SGCZ: variants seen among roughly 807,000 people sequenced by gnomAD.
The protein encoded by SGCZ is zeta-sarcoglycan.
In SGCZ, 40 loss-of-function variants were observed where a neutral mutation model predicts 41.3. That is an observed-to-expected ratio of 0.97 (90% CI 0.75 to 1.26). SGCZ has a LOEUF of 1.26. Among genes scored for constraint, SGCZ ranks in the 50% most tolerant of loss-of-function variants. The pLI, the probability that SGCZ is intolerant of heterozygous loss-of-function variation, is 0.00. For synonymous variants in SGCZ, 206 were observed against 137.5 expected, an observed-to-expected ratio of 1.50 and a Z score of -3.49; for missense variants, 552 against 369.8, an observed-to-expected ratio of 1.49 and a Z score of -4.04.
At chr8:14,691,554 G>T (rs1341738899) in intron 1 of SGCZ, among the ~76,000 whole-genome samples, 1 of 151,916 alleles carries the variant, frequency 6.6e-6, no homozygotes, top group Non-Finnish European at 1.5e-5. Context: ...GCAATCATAG[G>T]CACATAGGCC....
chr8:14,624,665 G>T (rs1373253070), intron 1 of SGCZ, among the ~76,000 whole-genome samples: 1 of 147,386 alleles, frequency 6.8e-6, no homozygotes. Context: ...CCGCCTCCCG[G>T]GGTCAAGTAA....
chr8:14,153,612 G>GTCTTCATT (rs1803780836), intron 5 of SGCZ, among the ~76,000 whole-genome samples: 1 of 152,056 alleles, frequency 6.6e-6, no homozygotes, highest in Non-Finnish European at 1.5e-5. Context: ...TTCAGCCACA[G>GTCTTCATT]GCAGGTACTA....
At chr8:15,170,125 TA>T (rs1799784159) in intron 1 of SGCZ, among the ~76,000 whole-genome samples, 1 of 137,756 alleles carries the variant, frequency 7.3e-6, no homozygotes. Flanking sequence ...GATCAGTAAT[TA>T]AATTTTTTTC....
intron 1 of SGCZ, among the ~76,000 whole-genome samples, chr8:15,192,825 C>G (rs1380974961): frequency 6.6e-6 from 1 of 152,066 alleles, no homozygotes; most frequent in African/African-American, 2.4e-5. Context: ...TGTGGTTTCT[C>G]ACTCCAAGAA....
intron 1 of SGCZ, among the ~76,000 whole-genome samples, chr8:15,009,042 T>TAAATGA (rs924434197): frequency 2.0e-5 from 3 of 152,174 alleles, no homozygotes; most frequent in African/African-American, 7.2e-5. Flanking sequence ...GTCCCTCCTG[T>TAAATGA]AAATGAAATT....
At chr8:14,435,431 TACAC>T (rs1800061398) in intron 2 of SGCZ, among the ~76,000 whole-genome samples, 1 of 152,180 alleles carries the variant, frequency 6.6e-6, no homozygotes, top group Non-Finnish European at 1.5e-5. Context: ...TTTAATTGTT[TACAC>T]ACATGGCTCC....
At chr8:14,538,745 G>T (rs1803371078) in intron 2 of SGCZ, among the ~76,000 whole-genome samples, 1 of 151,902 alleles carries the variant, frequency 6.6e-6, no homozygotes, top group African/African-American at 2.4e-5. Flanking sequence ...AGTTAGGCAT[G>T]AATTAGGTTG....
intron 1 of SGCZ, among the ~76,000 whole-genome samples, chr8:14,705,031 C>T (rs143488092): frequency 6.6e-6 from 1 of 151,912 alleles, no homozygotes; most frequent in Non-Finnish European, 1.5e-5. Context: ...AGCCACCAAA[C>T]CACAGATTTT....
chr8:14,457,114 GAT>G (rs1800768415), intron 2 of SGCZ, among the ~76,000 whole-genome samples: 1 of 152,156 alleles, frequency 6.6e-6, no homozygotes, highest in Non-Finnish European at 1.5e-5. Flanking sequence ...ATACCTCTCA[GAT>G]ATGATTATAT....
chr8:14,351,294 TTA>T (rs1803081341), intron 2 of SGCZ, among the ~76,000 whole-genome samples: 1 of 152,130 alleles, frequency 6.6e-6, no homozygotes, highest in African/African-American at 2.4e-5. Flanking sequence ...ATGTAAATTA[TTA>T]TTTTACTCCT....
chr8:14,343,793 A>G (rs1414157083), intron 2 of SGCZ, among the ~76,000 whole-genome samples: 1 of 152,174 alleles, frequency 6.6e-6, no homozygotes, highest in Non-Finnish European at 1.5e-5. Flanking sequence ...CTAAGCAAAG[A>G]TAACATTATA....
intron 2 of SGCZ, among the ~76,000 whole-genome samples, chr8:14,472,048 G>T (rs1238245602): frequency 6.6e-6 from 1 of 151,968 alleles, no homozygotes; most frequent in Non-Finnish European, 1.5e-5. Flanking sequence ...CTGTAAGACT[G>T]TTCCTACCAA....
intron 1 of SGCZ, among the ~76,000 whole-genome samples, chr8:14,780,703 T>C (rs538153703): frequency 2.6e-5 from 4 of 152,200 alleles, no homozygotes; most frequent in Non-Finnish European, 4.4e-5. Context: ...AATTTGAATA[T>C]AGAACAACAG....
intron 2 of SGCZ, among the ~76,000 whole-genome samples, chr8:14,507,802 G>T (rs1309494715): frequency 3.5e-5 from 5 of 141,316 alleles, no homozygotes; most frequent in African/African-American, 8.1e-5. Flanking sequence ...ATGGAGTTTC[G>T]TTCTTGTTAC....
In SGCZ at chr8:14,108,224, C is replaced by T. The variant is rs745428038; in HGVS notation, c.559G>A (p.Ala187Thr). ...GTCTCCACAGAGTGCCCAAATACGGCTCCTTCAGTGCCTGGGGGTAGCATG... is the reference window on the plus strand; with the variant it reads ...GTCTCCACAGAGTGCCCAAATACGGTTCCTTCAGTGCCTGGGGGTAGCATG... ...EKLKVTGTEG[A>T]VFGHSVETPH... Residue 187 changes from alanine (A) to threonine (T), a missense_variant, in exon 6 of 8, where the codon GCC becomes ACC. Transcript: ENST00000382080. 1.7e-4 allele frequency: 279 copies of T among 1,613,978 alleles called. No homozygotes were observed. The highest frequency in any genetic ancestry group is 2.2e-4 in the Non-Finnish European group (257 of 1,180,016).
At chr8:14,356,167 G>A (rs1038790302) in intron 2 of SGCZ, among the ~76,000 whole-genome samples, 12 of 152,270 alleles carry the variant, frequency 7.9e-5, no homozygotes, top group Non-Finnish European at 1.6e-4. Flanking sequence ...AAACATAAGT[G>A]TTCTGACATG....
At chr8:14,683,004 G>C (rs1320101970) in intron 1 of SGCZ, among the ~76,000 whole-genome samples, 1 of 152,016 alleles carries the variant, frequency 6.6e-6, no homozygotes, top group Non-Finnish European at 1.5e-5. Flanking sequence ...ACCAGATAAC[G>C]CCATTTAATT....
At chr8:15,002,202 TA>T (rs5889559) in intron 1 of SGCZ, among the ~76,000 whole-genome samples, 119 of 146,482 alleles carry the variant, frequency 8.1e-4, no homozygotes, top group African/African-American at 1.7e-3. Context: ...TAGTCAGCTC[TA>T]AAAAAAAAAA....
Position 14,596,387 on chromosome 8 carries a change from G to A in SGCZ, c.40-41461C>T, listed in dbSNP as rs554353469. Among the ~76,000 whole-genome samples the A allele has an allele frequency of 5.9e-5, 9 of 152,088 alleles. No individual in the cohort carries two copies. In the East Asian group the frequency reaches 9.7e-4, roughly 16 times the overall value. ...TTGAATCTTAAAATATTTGATGAAC[G>A]ACAATTTATCACTCGGCAATAAAAA... On this transcript the variant is annotated intron_variant, in intron 1 of 7. Transcript: ENST00000382080.
Sources: allele counts gnomAD v4.1 joint callset (sites outside exome capture counted in the v4.1 genomes callset), GRCh38; gene constraint gnomAD v4.1.1; transcripts MANE v1.5; gene names NCBI Gene and HGNC (gene_info 2026-07-23, HGNC 2026-07-21).